The following NELL1 variants were observed in gnomAD, a reference collection of about 807,000 sequenced individuals.
NELL1 encodes the protein protein kinase C-binding protein NELL1.
NELL1 carries 76 observed loss-of-function variants against 107.4 expected under a neutral mutation model. That is an observed-to-expected ratio of 0.71 (90% CI 0.59 to 0.86). The LOEUF (loss-of-function observed/expected upper bound fraction) is 0.86. Ranked by LOEUF, NELL1 falls within the 40% of genes least tolerant of loss-of-function variation. The pLI, the probability that NELL1 is intolerant of heterozygous loss-of-function variation, is 0.00. For missense variants in NELL1, 1,024 were observed against 1,005.5 expected, an observed-to-expected ratio of 1.02 and a Z score of -0.25; for synonymous variants, 353 against 341.2, an observed-to-expected ratio of 1.03 and a Z score of -0.38.
At chr11:20,714,871 C>T (rs1381185174) in intron 2 of NELL1, among the ~76,000 whole-genome samples, 2 of 152,112 alleles carry the variant, frequency 1.3e-5, no homozygotes, top group East Asian at 3.9e-4. Flanking sequence ...AGAGTACGTT[C>T]ACCTTATATA....
intron 16 of NELL1, among the ~76,000 whole-genome samples, chr11:21,538,358 T>C (rs1348471682): frequency 6.6e-6 from 1 of 152,176 alleles, no homozygotes; most frequent in Non-Finnish European, 1.5e-5. Context: ...TTTCTTATTT[T>C]ATGAGAAGAA....
rs558066540 is a variant in NELL1 at position 21,346,073 on chromosome 11, C to T, written c.1550-24780C>T. Among the ~76,000 whole-genome samples, 11 of 152,270 alleles carry T rather than the reference C, an allele frequency of 7.2e-5. No homozygotes were observed. In the East Asian group the frequency reaches 2.1e-3, roughly 29 times the overall value. ...CCTAAGTCAAACTGGCTTAAGATCACCTTGGATTTTTTGGTTCCTGAAACT... is the reference window on the plus strand; with the variant it reads ...CCTAAGTCAAACTGGCTTAAGATCATCTTGGATTTTTTGGTTCCTGAAACT... On this transcript the variant is annotated intron_variant, in intron 14 of 19. Coordinates refer to ENST00000357134, the MANE Select transcript of NELL1 (RefSeq NM_006157.5).
At chr11:20,777,840 C>T (rs1050830343) in intron 2 of NELL1, among the ~76,000 whole-genome samples, 1 of 152,070 alleles carries the variant, frequency 6.6e-6, no homozygotes, top group Non-Finnish European at 1.5e-5. Context: ...TTATATGTTT[C>T]TGGCTGCTGC....
At chr11:21,222,170 G>T (rs1447085706) in intron 13 of NELL1, among the ~76,000 whole-genome samples, 1 of 151,544 alleles carries the variant, frequency 6.6e-6, no homozygotes, top group Non-Finnish European at 1.5e-5. Flanking sequence ...TTTGTATTTT[G>T]TTTGTTTGTT....
At chr11:20,873,972 C>T (rs543184851) in intron 4 of NELL1, among the ~76,000 whole-genome samples, 239 of 152,166 alleles carry the variant, frequency 1.6e-3, no homozygotes, top group African/African-American at 5.3e-3. Context: ...CCTATGTTAC[C>T]CAGGCTGGTC....
At chr11:21,211,202 A>T (rs368314366) in intron 13 of NELL1, among the ~76,000 whole-genome samples, 21 of 152,160 alleles carry the variant, frequency 1.4e-4, no homozygotes, top group East Asian at 9.6e-4. Context: ...AAATTGCCTC[A>T]CTCAAGGAAA....
chr11:21,556,101 T>TA lies in NELL1; in HGVS notation c.1787-4081dup, dbSNP rs558609308. Among the ~76,000 whole-genome samples, 24 of 152,074 alleles carry TA rather than the reference T, an allele frequency of 1.6e-4. No homozygotes were observed. The East Asian group carries it at 3.5e-3, about 22-fold the overall frequency. On this transcript the variant is annotated intron_variant, in intron 16 of 19. Transcript: ENST00000357134. Reference sequence around the variant, plus strand: ...CCCCATAATTTTCTCTCTGCCACTGTAAAAAAAGCAATACTGCTTTAGATA... The same window carrying TA: ...CCCCATAATTTTCTCTCTGCCACTGTAAAAAAAAGCAATACTGCTTTAGATA...
intron 2 of NELL1, among the ~76,000 whole-genome samples, chr11:20,693,718 A>G (rs1854535854): frequency 1.3e-5 from 2 of 151,250 alleles, no homozygotes; most frequent in South Asian, 2.1e-4. Context: ...TGCCCTTAAC[A>G]TTTTTTCCTT....
intron 16 of NELL1, among the ~76,000 whole-genome samples, chr11:21,547,511 G>C (rs1856472077): frequency 6.6e-6 from 1 of 151,874 alleles, no homozygotes; most frequent in Non-Finnish European, 1.5e-5. Context: ...CATAATATCA[G>C]TGTTATATAA....
chr11:21,044,425 G>C (rs892853907), intron 12 of NELL1, among the ~76,000 whole-genome samples: 1 of 152,152 alleles, frequency 6.6e-6, no homozygotes, highest in Non-Finnish European at 1.5e-5. Context: ...GTTAAGCAAC[G>C]CATTTGAGAA....
At chr11:21,264,761 G>T (rs576574864) in intron 14 of NELL1, among the ~76,000 whole-genome samples, 8 of 152,056 alleles carry the variant, frequency 5.3e-5, no homozygotes, top group African/African-American at 1.9e-4. Context: ...GTGTGTGTGT[G>T]TGTGCGTGCG....
At chr11:21,038,724 A>G (rs1275631542) in intron 12 of NELL1, among the ~76,000 whole-genome samples, 1 of 152,078 alleles carries the variant, frequency 6.6e-6, no homozygotes, top group Non-Finnish European at 1.5e-5. Flanking sequence ...GAGAGTGGGG[A>G]GGGGTAGATT....
chr11:21,537,162 T>A (rs1856160188), intron 16 of NELL1, among the ~76,000 whole-genome samples: 6 of 152,160 alleles, frequency 3.9e-5, no homozygotes, highest in Admixed American at 3.9e-4. Flanking sequence ...CTTAGTTATT[T>A]CTGTGGTAGT....
chr11:21,406,378 G>C (rs1852236756), intron 15 of NELL1, among the ~76,000 whole-genome samples: 2 of 149,624 alleles, frequency 1.3e-5, no homozygotes, highest in Admixed American at 1.3e-4. Context: ...CCAATTGAGG[G>C]ATTGCTTTTC....
chr11:21,228,704 C>A (rs1590752500), intron 13 of NELL1, among the ~76,000 whole-genome samples: 1 of 3,772 alleles, frequency 2.7e-4, no homozygotes, highest in African/African-American at 7.3e-4. Context: ...CTCTCCTTCC[C>A]TCCCCTCCCA....
intron 13 of NELL1, among the ~76,000 whole-genome samples, chr11:21,146,912 C>T (rs758554422): frequency 2.6e-5 from 4 of 152,082 alleles, no homozygotes; most frequent in Non-Finnish European, 5.9e-5. Flanking sequence ...TGTGCGGTGG[C>T]GTGTGACTGT....
intron 5 of NELL1, among the ~76,000 whole-genome samples, chr11:20,903,105 G>A (rs1035101732): frequency 2.0e-5 from 3 of 151,962 alleles, no homozygotes; most frequent in Non-Finnish European, 4.4e-5. Flanking sequence ...TATTCAAAAT[G>A]TTTAAAATGG....
intron 3 of NELL1, among the ~76,000 whole-genome samples, chr11:20,813,651 C>T (rs1210852511): frequency 6.6e-6 from 1 of 152,102 alleles, no homozygotes; most frequent in Non-Finnish European, 1.5e-5. Context: ...TTAGCTATTT[C>T]CAGCATTCAA....
intron 13 of NELL1, among the ~76,000 whole-genome samples, chr11:21,194,810 T>A (rs979866477): frequency 5.9e-5 from 9 of 152,106 alleles, no homozygotes; most frequent in Non-Finnish European, 8.8e-5. Flanking sequence ...ATGCACTCCA[T>A]GGATACAACT....
Sources: allele counts gnomAD v4.1 joint callset (sites outside exome capture counted in the v4.1 genomes callset), GRCh38; gene constraint gnomAD v4.1.1; transcripts MANE v1.5; gene names NCBI Gene and HGNC (gene_info 2026-07-23, HGNC 2026-07-21).